Variants in SPAG1 observed in about 807,000 individuals in gnomAD.
The protein encoded by SPAG1 is sperm associated antigen 1.
Under a neutral mutation model 100.5 loss-of-function variants are expected in SPAG1, and 69 were observed. The observed-to-expected ratio is 0.69, with a 90% CI of 0.57 to 0.84. The LOEUF (loss-of-function observed/expected upper bound fraction) is 0.84. Among genes scored for constraint, SPAG1 ranks in the 40% least tolerant of loss-of-function variants. The pLI, the probability that SPAG1 is intolerant of heterozygous loss-of-function variation, is 0.00. For missense variants in SPAG1, 955 were observed against 1,133.1 expected (o/e 0.84, Z 2.26); for synonymous variants, 336 against 411.6 (o/e 0.82, Z 2.22).
At position 100,176,943 on chromosome 8, in the gene SPAG1, CCTT is replaced by C. The variant is rs1319057225; in HGVS notation, c.301-869_301-867del. 1.8e-3 allele frequency among the ~76,000 whole-genome samples: 262 copies of C among 147,852 alleles called. 1 individual carries two copies. Among genetic ancestry groups the C allele is most frequent in the African/African-American group, 6.1e-3 (246 of 40,274 alleles). ...TCCTCCTTTCCTCTCCCTCTCCTCT[CCTT>C]CTTTTTTTCGTTTCTTTCTTTTTTT... On this transcript the variant is annotated intron_variant, in intron 3 of 18. Transcript: ENST00000388798.
chr8:100,213,023 C>G (rs926913455), intron 10 of SPAG1, 67 bp from the exon 11 acceptor site: 3 of 1,308,458 alleles, frequency 2.3e-6, no homozygotes, highest in Non-Finnish European at 2.9e-6. Context: ...CCCGCGGCCT[C>G]CGCGGCCTCC....
At chr8:100,221,331 G>A (rs1046762920) in intron 13 of SPAG1, among the ~76,000 whole-genome samples, 4 of 152,096 alleles carry the variant, frequency 2.6e-5, no homozygotes, top group African/African-American at 4.8e-5. Flanking sequence ...TTATAATGGC[G>A]AAATAGCAAA....
intron 10 of SPAG1, among the ~76,000 whole-genome samples, chr8:100,205,011 G>A (rs569042477): frequency 3.3e-5 from 5 of 152,098 alleles, no homozygotes; most frequent in South Asian, 2.1e-4. Context: ...AATTAATCAC[G>A]ATGTTCCTAG....
Position 100,162,277 on chromosome 8 carries a change from A to T in SPAG1, c.-2-2A>T. The T allele has an allele frequency of 6.3e-7, 1 of 1,590,458 alleles. No homozygotes were observed. The highest frequency in any genetic ancestry group is 8.5e-7 in the Non-Finnish European group (1 of 1,169,654). On this transcript the variant is annotated splice_acceptor_variant, in intron 1 of 18. Transcript: ENST00000388798. LOFTEE classifies it low-confidence loss of function (5UTR_SPLICE). Reference sequence around the variant, plus strand: ...TAATAACTTTTAAATATTGTATTTCAGCTATGACCACCAAAGATTATCCAT... The same window carrying T: ...TAATAACTTTTAAATATTGTATTTCTGCTATGACCACCAAAGATTATCCAT...
chr8:100,213,850 A>C lies in SPAG1; in HGVS notation c.1467A>C (p.Leu489Phe), dbSNP rs977950141. The change falls in exon 12 of 19, where the codon TTA becomes TTC. Residue 489 changes from leucine to phenylalanine, a missense_variant. Transcript: ENST00000388798. ...AAATTGCAGATGATCTAAGTATCTTATATTCAAATAGAGCAGCATGTTACC... is the reference window on the plus strand; with the variant it reads ...AAATTGCAGATGATCTAAGTATCTTCTATTCAAATAGAGCAGCATGTTACC... ...GSEIADDLSI[L>F]YSNRAACYLK... is the part of the protein sequence containing the mutation. 4 of 1,602,822 alleles carry C rather than the reference A, an allele frequency of 2.5e-6. No individual in the cohort carries two copies. The highest frequency in any genetic ancestry group is 3.3e-4 in the Middle Eastern group (2 of 5,990).
At chr8:100,161,697 G>A (rs552052588) in intron 1 of SPAG1, among the ~76,000 whole-genome samples, 1 of 152,278 alleles carries the variant, frequency 6.6e-6, no homozygotes, top group South Asian at 2.1e-4. Context: ...TTTAGCAGGA[G>A]ACAAGATAAG....
chr8:100,240,051 G>GA (rs964704096), intron 17 of SPAG1, among the ~76,000 whole-genome samples: 3 of 152,070 alleles, frequency 2.0e-5, no homozygotes, highest in Admixed American at 2.0e-4. Context: ...AAGGAGGGAA[G>GA]AAAAAACTGT....
At chr8:100,219,837 T>G (rs1586516894) in intron 12 of SPAG1, among the ~76,000 whole-genome samples, 1 of 152,258 alleles carries the variant, frequency 6.6e-6, no homozygotes, top group South Asian at 2.1e-4. Context: ...TGAATCATAA[T>G]GAACTAATAA....
rs765207352 is a variant in SPAG1, at chr8:100,240,862, TTG to T, written c.2650-27_2650-26del. ...TACTTATGCTAACATAGTTGGTTTT[TTG>T]TTTTTTTTTTTTTTTGCTTCTTTTA... On this transcript the variant is annotated intron_variant, in intron 18 of 18. Coordinates refer to ENST00000388798, the MANE Select transcript of SPAG1 (RefSeq NM_003114.5). 681 of 1,573,344 alleles carry T rather than the reference TTG, an allele frequency of 4.3e-4. 5 individuals carry two copies. In the African/African-American group the frequency reaches 8.9e-3, roughly 21 times the overall value.
chr8:100,161,633 A>ACCT (rs923454227), intron 1 of SPAG1, among the ~76,000 whole-genome samples: 1 of 152,014 alleles, frequency 6.6e-6, no homozygotes, highest in African/African-American at 2.4e-5. Flanking sequence ...AACTCCCCAG[A>ACCT]CCTCCACAAA....
chr8:100,161,598 A>G (rs1815308955), intron 1 of SPAG1, among the ~76,000 whole-genome samples: 2 of 152,134 alleles, frequency 1.3e-5, no homozygotes, highest in South Asian at 2.1e-4. Context: ...TTAGGATTAA[A>G]CAAGTTTTAC....
At position 100,233,089 on chromosome 8, in the gene SPAG1, C is replaced by T. The variant is rs574133760; in HGVS notation, c.1989-322C>T. 25 of 275,670 alleles carry T rather than the reference C, an allele frequency of 9.1e-5. No individual in the cohort carries two copies. The East Asian group carries it at 9.2e-4, about 10-fold the overall frequency. The allele number at this position is 275,670 out of a possible 1,614,324, so 17.1% of individuals were successfully genotyped here. Reference sequence around the variant, plus strand: ...CAGGAAGTCTTCCCTGCCTGCTCTGCGCCTTGTCTCAGCCCCACTGAATCT... The same window carrying T: ...CAGGAAGTCTTCCCTGCCTGCTCTGTGCCTTGTCTCAGCCCCACTGAATCT... On this transcript the variant is annotated intron_variant, in intron 15 of 18. Transcript: ENST00000388798.
At chr8:100,177,245 A>C (rs1816170281) in intron 3 of SPAG1, among the ~76,000 whole-genome samples, 1 of 152,198 alleles carries the variant, frequency 6.6e-6, no homozygotes, top group Non-Finnish European at 1.5e-5. Flanking sequence ...GATGCAGTTT[A>C]CTAGAGACAA....
intron 9 of SPAG1, 111 bp from the exon 10 acceptor site, chr8:100,194,001 C>G (rs1277813874): frequency 1.0e-6 from 1 of 964,516 alleles, no homozygotes; most frequent in East Asian, 3.0e-5. Flanking sequence ...AAAAAAAAGC[C>G]TTGTCTTAGT....
At chr8:100,183,107 G>A (rs1816435409) in intron 4 of SPAG1, among the ~76,000 whole-genome samples, 1 of 152,020 alleles carries the variant, frequency 6.6e-6, no homozygotes, top group African/African-American at 2.4e-5. Context: ...CAAGTACCTG[G>A]GATTAAAGGT....
At chr8:100,195,164 CAA>C (rs34240029) in intron 10 of SPAG1, among the ~76,000 whole-genome samples, 3 of 122,532 alleles carry the variant, frequency 2.4e-5, no homozygotes, top group Non-Finnish European at 3.6e-5. Context: ...GACTCCATCT[CAA>C]AAAAAAAAAA....
intron 15 of SPAG1, 61 bp from the exon 16 acceptor site, chr8:100,233,349 TA>T: frequency 6.3e-7 from 1 of 1,592,498 alleles, no homozygotes; most frequent in South Asian, 1.1e-5. Flanking sequence ...CTTAGCTGTC[TA>T]AAACTTACAG....
In SPAG1 at chr8:100,183,439, A is replaced by G. The variant is rs889554005; in HGVS notation, c.488+3A>G. The G allele has an allele frequency of 1.4e-6, 2 of 1,419,544 alleles. No individual in the cohort carries two copies. Among genetic ancestry groups the G allele is most frequent in the African/African-American group, 1.4e-5 (1 of 69,872 alleles). 87.9% of individuals were successfully genotyped at this position (1,419,544 alleles called of 1,614,324 possible). ...AGGGATTACGCGGAATGGGATAAGT[A>G]TGTTTTACATGTCTTTATATAAAAT... is the stretch of plus-strand genomic sequence containing the variant. On this transcript the variant is annotated splice_donor_region_variant and intron_variant, in intron 5 of 18. Transcript: ENST00000388798.
rs936614896 is a variant in SPAG1, at chr8:100,239,800, G to A, written c.2280+396G>A. On this transcript the variant is annotated intron_variant, in intron 17 of 18. Coordinates refer to ENST00000388798, the MANE Select transcript of SPAG1 (RefSeq NM_003114.5). This position sits in a 1 kb window ranked among gnomAD's most constrained non-coding sequence, Gnocchi z 5.0. Reference sequence around the variant, plus strand: ...CATAGAGATTATCCAGATTGATTCAGACCTTTTTAGCACTCTGAAATATGA... The same window carrying A: ...CATAGAGATTATCCAGATTGATTCAAACCTTTTTAGCACTCTGAAATATGA... Among the ~76,000 whole-genome samples the A allele has an allele frequency of 6.6e-6, 1 of 152,240 alleles. No individual in the cohort carries two copies. Among genetic ancestry groups the A allele is most frequent in the African/African-American group, 2.4e-5 (1 of 41,466 alleles).
Sources: gnomAD v4.1 joint callset for allele counts (sites outside exome capture counted in the v4.1 genomes callset) on GRCh38, gnomAD v4.1.1 for gene constraint, Gnocchi (gnomAD v3.1) non-coding constraint, MANE v1.5 for transcripts, NCBI Gene and HGNC (gene_info 2026-07-23, HGNC 2026-07-21) for gene names.